ZNF599: variants seen among roughly 807,000 people sequenced by gnomAD.
ZNF599 encodes the protein zinc finger protein 599.
Under a neutral mutation model 11.7 loss-of-function variants are expected in ZNF599, and 10 were observed. The ratio of observed to expected loss-of-function variants is 0.86; its 90% CI spans 0.53 to 1.45. The LOEUF (loss-of-function observed/expected upper bound fraction) is 1.45. ZNF599 is among the 40% of genes most tolerant of loss of function. The probability of loss-of-function intolerance (pLI) is 0.00; values close to 1 mark genes in which losing one functional copy is unlikely to be tolerated. For missense variants in ZNF599, 688 were observed against 713.6 expected (o/e 0.96, Z 0.41); for synonymous variants, 232 against 253.2 (o/e 0.92, Z 0.79).
the ZNF599 span, among the ~76,000 whole-genome samples, chr19:34,781,593 T>G: frequency 6.6e-6 from 1 of 152,194 alleles, no homozygotes; most frequent in Non-Finnish European, 1.5e-5. Context: ...GTAGTAAGAC[T>G]CTCAAAGTGA....
At chr19:34,803,565 T>C in the ZNF599 span, among the ~76,000 whole-genome samples, 1 of 152,122 alleles carries the variant, frequency 6.6e-6, no homozygotes, top group African/African-American at 2.4e-5. Context: ...CCACCCCATA[T>C]TCATACTCCT....
At chr19:34,786,042 T>G in the ZNF599 span, among the ~76,000 whole-genome samples, 1 of 152,014 alleles carries the variant, frequency 6.6e-6, no homozygotes, top group African/African-American at 2.4e-5. Flanking sequence ...TTCAGGAGGA[T>G]CATAGCTAAT....
At position 34,760,012 on chromosome 19, in the gene ZNF599, G is replaced by A; in HGVS notation, c.789C>T (p.Ala263=). The A allele has an allele frequency of 6.2e-7, 1 of 1,614,058 alleles. No individual in the cohort carries two copies. Among genetic ancestry groups the A allele is most frequent in the Non-Finnish European group, 8.5e-7 (1 of 1,180,002 alleles). Residue 263 remains alanine (A), a synonymous_variant, in exon 4 of 4, where the codon GCC becomes GCT. Transcript: ENST00000329285. ...CCGTGAGGTGAAACCTGCGTTTGAA[G>A]GCTTTCCCACACTCAATACACTTGT... ...KPYKCIECGK[A]FKRRFHLTEH... is the part of the protein sequence containing the mutation.
rs764533039 is a variant in ZNF599, at chr19:34,759,453, G to A, written c.1348C>T (p.Pro450Ser). Residue 450 changes from proline to serine, a missense_variant, in exon 4 of 4, where the codon CCT becomes TCT. Physicochemically the swap from Pro to Ser is moderately conservative, Grantham distance 74. Coordinates refer to ENST00000329285, the MANE Select transcript of ZNF599 (RefSeq NM_001007248.3). ...TTTCCACATTCACTGCACTCATAAG[G>A]CTTCTCACCAGTGTGAATCCTCATA... ...QHMRIHTGEK[P>S]YECSECGKAF... 5 of 1,613,990 alleles carry A rather than the reference G, an allele frequency of 3.1e-6. No homozygotes were observed. In the Admixed American group the frequency reaches 8.3e-5, roughly 27 times the overall value.
Position 34,769,942 on chromosome 19 carries a change from T to C in ZNF599, c.19-387A>G, listed in dbSNP as rs150676049. On this transcript the variant is annotated intron_variant, in intron 1 of 3. Coordinates refer to ENST00000329285, the MANE Select transcript of ZNF599 (RefSeq NM_001007248.3). ...GCTTCACATGCTGTGTTCAAGCAACTAAAAGTCTCCAGGTCTGGAATCAGG... is the reference window on the plus strand; with the variant it reads ...GCTTCACATGCTGTGTTCAAGCAACCAAAAGTCTCCAGGTCTGGAATCAGG... 6.7e-3 allele frequency among the ~76,000 whole-genome samples: 1,019 copies of C among 152,314 alleles called. 10 individuals are homozygous for C. Among genetic ancestry groups the C allele is most frequent in the African/African-American group, 0.023 (969 of 41,556 alleles).
At chr19:34,768,912 C>T (rs888774033) in intron 2 of ZNF599, among the ~76,000 whole-genome samples, 1 of 152,238 alleles carries the variant, frequency 6.6e-6, no homozygotes, top group Non-Finnish European at 1.5e-5. Flanking sequence ...TAATCATAAT[C>T]ATCTCCTGTA....
At chr19:34,801,893 C>T in the ZNF599 span, among the ~76,000 whole-genome samples, 10 of 152,192 alleles carry the variant, frequency 6.6e-5, no homozygotes, top group African/African-American at 2.4e-4. Flanking sequence ...TTTCCACATG[C>T]CCCTAAGTAT....
At chr19:34,770,987 T>G (rs2069180234) in intron 1 of ZNF599, among the ~76,000 whole-genome samples, 1 of 152,166 alleles carries the variant, frequency 6.6e-6, no homozygotes, top group East Asian at 1.9e-4. Context: ...TGGTTAAAAA[T>G]GTAAGCTTCT....
chr19:34,774,212 T>C (rs538785299), upstream of ZNF599, among the ~76,000 whole-genome samples: 1 of 152,272 alleles, frequency 6.6e-6, no homozygotes, highest in East Asian at 1.9e-4. Context: ...GGAGTTGACA[T>C]GGTTTCTAGT....
chr19:34,760,269 G>C lies in ZNF599; in HGVS notation c.532C>G (p.Leu178Val), dbSNP rs146342141. The change falls in exon 4 of 4, where the codon CTC becomes GTC. Residue 178 changes from leucine (L) to valine (V), a missense_variant. Leu to Val is a conservative substitution (Grantham distance 32, BLOSUM62 1). Coordinates refer to ENST00000329285, the MANE Select transcript of ZNF599 (RefSeq NM_001007248.3). ...LQERVTPQDA[L>V]HECDSQGPGK... ...GGTCCTTGAGAGTCACACTCATGGA[G>C]AGCATCTTGTGGAGTGACTCGTTCC... is the stretch of plus-strand genomic sequence containing the variant. The C allele has an allele frequency of 6.5e-5, 105 of 1,614,154 alleles. No homozygotes were observed. The African/African-American group carries it at 9.9e-4, about 15-fold the overall frequency.
At chr19:34,782,359 C>T in the ZNF599 span, among the ~76,000 whole-genome samples, 1 of 152,078 alleles carries the variant, frequency 6.6e-6, no homozygotes, top group African/African-American at 2.4e-5. Flanking sequence ...GCAGTCCCAG[C>T]CAAATAGTGA....
At chr19:34,770,088 G>A (rs764924780) in intron 1 of ZNF599, among the ~76,000 whole-genome samples, 13 of 152,166 alleles carry the variant, frequency 8.5e-5, no homozygotes, top group East Asian at 3.8e-4. Flanking sequence ...CCACTTCACC[G>A]AACTGTTGTG....
the ZNF599 span, among the ~76,000 whole-genome samples, chr19:34,799,660 A>C: frequency 6.6e-6 from 1 of 152,232 alleles, no homozygotes; most frequent in African/African-American, 2.4e-5. Flanking sequence ...TGGTGCTCTA[A>C]CCTGCTAGGA....
At chr19:34,765,721 G>A in intron 3 of ZNF599, 1 of 701,164 alleles carries the variant, frequency 1.4e-6, no homozygotes, top group Non-Finnish European at 2.6e-6. Flanking sequence ...TATTCATAAA[G>A]TAGGTCAGAT....
At chr19:34,778,011 A>C (rs971916477), upstream of ZNF599, among the ~76,000 whole-genome samples, 1 of 152,084 alleles carries the variant, frequency 6.6e-6, no homozygotes, top group Non-Finnish European at 1.5e-5. Context: ...GGTAGGAGGA[A>C]ACCTTTGGAG....
upstream of ZNF599, chr19:34,773,266 T>A (rs112998915): frequency 0.016 from 3,014 of 188,006 alleles, 59 homozygotes; most frequent in South Asian, 0.084. Context: ...CTTCCGTCTA[T>A]GGCTTGGGGT....
chr19:34,783,404 A>T, the ZNF599 span, among the ~76,000 whole-genome samples: 1 of 152,172 alleles, frequency 6.6e-6, no homozygotes, highest in African/African-American at 2.4e-5. Context: ...GAATAATTTT[A>T]GTAAGCTCTG....
chr19:34,789,937 A>C, the ZNF599 span, among the ~76,000 whole-genome samples: 3 of 152,198 alleles, frequency 2.0e-5, no homozygotes, highest in Non-Finnish European at 4.4e-5. Context: ...GATCAAAGTC[A>C]TGGAGCATGT....
the ZNF599 span, among the ~76,000 whole-genome samples, chr19:34,800,497 T>G: frequency 6.6e-6 from 1 of 152,152 alleles, no homozygotes; most frequent in Non-Finnish European, 1.5e-5. Flanking sequence ...GCTCATTGAT[T>G]CTTTTTTCCA....
Sources: allele counts gnomAD v4.1 joint callset (sites outside exome capture counted in the v4.1 genomes callset), GRCh38; gene constraint gnomAD v4.1.1; transcripts MANE v1.5; gene names NCBI Gene and HGNC (gene_info 2026-07-23, HGNC 2026-07-21).